PARN: variants seen among roughly 807,000 people sequenced by gnomAD.
PARN encodes the protein poly(A)-specific ribonuclease PARN.
A neutral mutation model predicts 102.8 loss-of-function variants in PARN; 71 were observed. That is an observed-to-expected ratio of 0.69 (90% CI 0.57 to 0.84). The LOEUF (loss-of-function observed/expected upper bound fraction) is 0.84, where lower values mean the gene tolerates loss of function less well. Among genes scored for constraint, PARN ranks in the 40% least tolerant of loss-of-function variants. PARN has a pLI of 0.00. For missense variants in PARN, 782 were observed against 760.9 expected (o/e 1.03, Z -0.33); for synonymous variants, 261 against 252.9 (o/e 1.03, Z -0.30).
intron 21 of PARN, among the ~76,000 whole-genome samples, chr16:14,547,047 C>T (rs1289752186): frequency 1.3e-5 from 2 of 150,546 alleles, no homozygotes; most frequent in Admixed American, 6.6e-5. Context: ...GAGCCAAGAT[C>T]GCACAACGGC....
At chr16:14,507,164 TA>T (rs1964941035) in intron 21 of PARN, among the ~76,000 whole-genome samples, 1 of 151,444 alleles carries the variant, frequency 6.6e-6, no homozygotes, top group South Asian at 2.1e-4. Context: ...CCATCTCTAC[TA>T]AAAATACAAA....
intron 23 of PARN, among the ~76,000 whole-genome samples, chr16:14,445,937 G>T (rs977575269): frequency 1.3e-5 from 2 of 152,116 alleles, no homozygotes; most frequent in African/African-American, 4.8e-5. Flanking sequence ...TTGGGCCTCC[G>T]TTTTCTTAAC....
rs966793716 is a variant in PARN, at chr16:14,582,229, C to T, written c.1144G>A (p.Asp382Asn). The T allele has an allele frequency of 1.9e-6, 3 of 1,613,502 alleles. No individual in the cohort carries two copies. The highest frequency in any genetic ancestry group is 2.5e-6 in the Non-Finnish European group (3 of 1,179,432). The change falls in exon 17 of 24, where the codon GAT becomes AAT. Residue 382 changes from aspartate (D) to asparagine (N), a missense_variant. Coordinates refer to ENST00000437198, the MANE Select transcript of PARN (RefSeq NM_002582.4). ...AAGCACAGCCCTGTGATGTAGGCAT[C>T]GTAGCCTGCCTCGTGGAGTTGTTCA... ...ASEQLHEAGYDAYITGLCFIS... is the reference protein window; with the variant it reads ...ASEQLHEAGYNAYITGLCFIS...
At chr16:14,530,206 C>T (rs1350128428) in intron 21 of PARN, among the ~76,000 whole-genome samples, 10 of 152,194 alleles carry the variant, frequency 6.6e-5, no homozygotes, top group African/African-American at 1.2e-4. Flanking sequence ...CTCCTCCAGA[C>T]CTGTGGAGAC....
chr16:14,543,966 G>A (rs913716021), intron 21 of PARN, among the ~76,000 whole-genome samples: 6 of 152,122 alleles, frequency 3.9e-5, no homozygotes, highest in Non-Finnish European at 5.9e-5. Context: ...AGGCCAACGC[G>A]GGAAGATCAC....
At chr16:14,579,369 C>A (rs767312527) in intron 18 of PARN, among the ~76,000 whole-genome samples, 5 of 152,154 alleles carry the variant, frequency 3.3e-5, no homozygotes, top group Admixed American at 6.5e-5. Flanking sequence ...CAGTTTGCAT[C>A]CAACATCTGA....
intron 18 of PARN, among the ~76,000 whole-genome samples, chr16:14,579,417 ACT>A (rs2151746605): frequency 6.6e-6 from 1 of 152,292 alleles, no homozygotes; most frequent in Admixed American, 6.5e-5. Context: ...AAGCAGGATT[ACT>A]GTTTTAATAT....
At chr16:14,443,591 G>A (rs1427049651) in intron 23 of PARN, among the ~76,000 whole-genome samples, 3 of 152,238 alleles carry the variant, frequency 2.0e-5, no homozygotes, top group East Asian at 1.9e-4. Context: ...TGCCCACCTC[G>A]CCCTCCAGAA....
chr16:14,608,596 A>G (rs1398528082), intron 8 of PARN, among the ~76,000 whole-genome samples: 1 of 152,244 alleles, frequency 6.6e-6, no homozygotes, highest in Non-Finnish European at 1.5e-5. Context: ...GAGAGCTTAA[A>G]GTAGACAGAT....
At chr16:14,491,838 C>T (rs1964073198) in intron 21 of PARN, among the ~76,000 whole-genome samples, 1 of 152,184 alleles carries the variant, frequency 6.6e-6, no homozygotes, top group Non-Finnish European at 1.5e-5. Flanking sequence ...GCTTTTATGT[C>T]TGCTGGCAGC....
At chr16:14,458,486 C>A (rs906540042) in intron 22 of PARN, among the ~76,000 whole-genome samples, 4 of 152,120 alleles carry the variant, frequency 2.6e-5, no homozygotes, top group African/African-American at 9.7e-5. Context: ...GAGAAGATAA[C>A]ACCTATGGAG....
intron 18 of PARN, among the ~76,000 whole-genome samples, chr16:14,563,976 T>C (rs916188233): frequency 6.6e-6 from 1 of 152,168 alleles, no homozygotes; most frequent in African/African-American, 2.4e-5. Flanking sequence ...CTGGAAGTTA[T>C]CGGTCCCCCT....
chr16:14,482,715 C>T lies in PARN; in HGVS notation c.1593G>A (p.Trp531Ter). ...TTAACCGTTTGCTGTCAGCCTCCTT[C>T]CAGCTATCTTCAGTCCACTTTCTTT... Reference protein sequence around the residue: ...QIKRKWTEDSWKEADSKRLNP... With the variant: ...QIKRKWTEDS Residue 531 changes from tryptophan (W) to a stop codon, truncating the protein, a stop_gained, in exon 22 of 24, where the codon TGG (tryptophan) becomes TGA (stop). Coordinates refer to ENST00000437198, the MANE Select transcript of PARN (RefSeq NM_002582.4). LOFTEE classifies it high-confidence loss of function. 6.2e-7 allele frequency: 1 copy of T among 1,613,902 alleles called. No homozygotes were observed. Among genetic ancestry groups the T allele is most frequent in the Non-Finnish European group, 8.5e-7 (1 of 1,179,798 alleles).
intron 23 of PARN, among the ~76,000 whole-genome samples, chr16:14,446,289 C>T (rs1161994324): frequency 1.3e-5 from 2 of 152,228 alleles, no homozygotes; most frequent in South Asian, 4.1e-4. Context: ...AGCATGGCCC[C>T]GCACACTTAG....
At chr16:14,579,544 T>C (rs941257104) in intron 18 of PARN, among the ~76,000 whole-genome samples, 1 of 151,876 alleles carries the variant, frequency 6.6e-6, no homozygotes, top group Non-Finnish European at 1.5e-5. Flanking sequence ...CACTCCAGCA[T>C]GGAAAAAAGA....
At chr16:14,485,518 C>T (rs926837083) in intron 21 of PARN, among the ~76,000 whole-genome samples, 2 of 152,206 alleles carry the variant, frequency 1.3e-5, no homozygotes, top group African/African-American at 4.8e-5. Flanking sequence ...GTAAGCTTGT[C>T]ACTCCCTAAG....
intron 13 of PARN, among the ~76,000 whole-genome samples, chr16:14,592,483 G>A (rs542001218): frequency 9.2e-5 from 14 of 152,296 alleles, no homozygotes; most frequent in East Asian, 1.9e-4. Flanking sequence ...GTGAGGCCAC[G>A]CAAACCGTAT....
chr16:14,462,805 T>A (rs1009626162), intron 22 of PARN, among the ~76,000 whole-genome samples: 2 of 152,160 alleles, frequency 1.3e-5, no homozygotes, highest in Admixed American at 6.5e-5. Context: ...TAACATAGAC[T>A]GATTTACCTA....
At chr16:14,515,147 A>T (rs1404291635) in intron 21 of PARN, among the ~76,000 whole-genome samples, 8 of 152,124 alleles carry the variant, frequency 5.3e-5, no homozygotes, top group Non-Finnish European at 1.2e-4. Flanking sequence ...TTTGTCTCTT[A>T]CTGATCAGCC....
Sources: gnomAD v4.1 joint callset for allele counts (sites outside exome capture counted in the v4.1 genomes callset) on GRCh38, gnomAD v4.1.1 for gene constraint, MANE v1.5 for transcripts, NCBI Gene and HGNC (gene_info 2026-07-23, HGNC 2026-07-21) for gene names.